Variants in KREMEN1 observed in about 807,000 individuals in gnomAD.
KREMEN1 encodes the protein kremen protein 1.
In KREMEN1, 30 loss-of-function variants were observed where a neutral mutation model predicts 46.5. The ratio of observed to expected loss-of-function variants is 0.65; its 90% CI spans 0.48 to 0.88. KREMEN1 has a LOEUF of 0.88. Among genes scored for constraint, KREMEN1 ranks in the 40% least tolerant of loss-of-function variants. KREMEN1 has a pLI of 0.00. For missense variants in KREMEN1, 533 were observed against 596.9 expected (o/e 0.89, Z 1.11); for synonymous variants, 214 against 230.6 (o/e 0.93, Z 0.65).
chr22:29,089,440 C>G (rs1199813434), intron 1 of KREMEN1, among the ~76,000 whole-genome samples: 1 of 152,162 alleles, frequency 6.6e-6, no homozygotes, highest in Non-Finnish European at 1.5e-5. Context: ...CGGTCCACTT[C>G]TCACCACCCC....
intron 9 of KREMEN1, among the ~76,000 whole-genome samples, chr22:29,152,290 A>T (rs1249477860): frequency 6.6e-6 from 1 of 152,126 alleles, no homozygotes; most frequent in African/African-American, 2.4e-5. Context: ...GGCTCCAAGG[A>T]CAGAGTCTCC....
chr22:29,079,154 G>A (rs528219210), intron 1 of KREMEN1, among the ~76,000 whole-genome samples: 60 of 152,254 alleles, frequency 3.9e-4, no homozygotes, highest in African/African-American at 1.3e-3. Context: ...TCAGATTGGC[G>A]TCCATACACC....
downstream of KREMEN1, chr22:29,146,878 G>C: frequency 2.5e-6 from 2 of 795,338 alleles, no homozygotes; most frequent in Non-Finnish European, 3.0e-6. Flanking sequence ...TGGGACAAGC[G>C]GAGGGTGTCT....
intron 3 of KREMEN1, among the ~76,000 whole-genome samples, chr22:29,102,024 A>G (rs1354665533): frequency 6.6e-6 from 1 of 152,266 alleles, no homozygotes; most frequent in Non-Finnish European, 1.5e-5. Flanking sequence ...GTATTTTAAA[A>G]TATGCCAGAA....
chr22:29,154,010 T>C (rs937438513), intron 9 of KREMEN1, among the ~76,000 whole-genome samples: 4 of 151,778 alleles, frequency 2.6e-5, no homozygotes, highest in Non-Finnish European at 4.4e-5. Flanking sequence ...AGCAGTAGTT[T>C]CTCATAGGGT....
At chr22:29,092,518 T>G (rs574123798) in intron 1 of KREMEN1, among the ~76,000 whole-genome samples, 21 of 152,336 alleles carry the variant, frequency 1.4e-4, no homozygotes, top group African/African-American at 5.1e-4. Flanking sequence ...AGCCAAGGCT[T>G]AGTCTCTTGG....
intron 1 of KREMEN1, among the ~76,000 whole-genome samples, chr22:29,076,415 T>C (rs2037571132): frequency 6.6e-6 from 1 of 152,178 alleles, no homozygotes; most frequent in Admixed American, 6.5e-5. Flanking sequence ...GTAAGCGACA[T>C]GGGGGCTGAA....
chr22:29,144,099 G>C lies in KREMEN1; in HGVS notation c.*1987G>C, dbSNP rs543656323. 1 of 985,522 alleles carries C rather than the reference G, an allele frequency of 1.0e-6. No homozygotes were observed. Among genetic ancestry groups the C allele is most frequent in the African/African-American group, 1.7e-5 (1 of 57,374 alleles). The allele number at this position is 985,522 out of a possible 1,614,324, so 61.0% of individuals were successfully genotyped here. ...CTCTGCTGGCCAGGCCTAGGCCCTC[G>C]TCAGAGCGTGCCTCTCCACAAGGCA... On this transcript the variant is annotated 3_prime_UTR_variant, in exon 9 of 9. Coordinates refer to ENST00000400335, the MANE Select transcript of KREMEN1 (RefSeq NM_001039570.3).
chr22:29,101,935 G>T lies in KREMEN1; in HGVS notation c.352+2982G>T, dbSNP rs139697508. Among the ~76,000 whole-genome samples the T allele has an allele frequency of 2.7e-3, 410 of 152,272 alleles. 1 individual carries two copies. The highest frequency in any genetic ancestry group is 9.2e-3 in the African/African-American group (383 of 41,556). ...TAAAGAAAATACTGTGTGTAGAAAGGTCTTGCAGAAGGTTTGAACCACAGA... is the reference window on the plus strand; with the variant it reads ...TAAAGAAAATACTGTGTGTAGAAAGTTCTTGCAGAAGGTTTGAACCACAGA... On this transcript the variant is annotated intron_variant, in intron 3 of 8. Transcript: ENST00000400335.
chr22:29,073,205 C>T lies in KREMEN1; in HGVS notation c.75C>T (p.Ser25=), dbSNP rs1240598032. The T allele has an allele frequency of 8.4e-7, 1 of 1,185,356 alleles. No individual in the cohort carries two copies. Among genetic ancestry groups the T allele is most frequent in the Admixed American group, 4.5e-5 (1 of 22,210 alleles). 73.4% of individuals were successfully genotyped at this position (1,185,356 alleles called of 1,614,324 possible). ...ALTLAARPAP[S]PGLGPGPECF... Reference sequence around the variant, plus strand: ...CGCTGGCGGCCCGGCCCGCGCCTAGCCCCGGCCTCGGCCCCGGACCCGGTG... The same window carrying T: ...CGCTGGCGGCCCGGCCCGCGCCTAGTCCCGGCCTCGGCCCCGGACCCGGTG... The change falls in exon 1 of 9, where the codon AGC becomes AGT. Residue 25 remains serine (S), a synonymous_variant. Coordinates refer to ENST00000400335, the MANE Select transcript of KREMEN1 (RefSeq NM_001039570.3). This position sits in a 1 kb window ranked among gnomAD's most constrained non-coding sequence, Gnocchi z 4.4.
intron 5 of KREMEN1, among the ~76,000 whole-genome samples, chr22:29,131,169 C>A (rs2038527662): frequency 6.6e-6 from 1 of 152,050 alleles, no homozygotes. Context: ...CTCATGACCC[C>A]ACGAGAGAGA....
intron 3 of KREMEN1, among the ~76,000 whole-genome samples, chr22:29,111,226 T>C (rs2038140833): frequency 6.6e-6 from 1 of 151,496 alleles, no homozygotes; most frequent in Non-Finnish European, 1.5e-5. Flanking sequence ...GAAGATCACT[T>C]GAGCTCAGGA....
At chr22:29,112,216 G>A (rs2038163801) in intron 3 of KREMEN1, among the ~76,000 whole-genome samples, 1 of 152,108 alleles carries the variant, frequency 6.6e-6, no homozygotes, top group Non-Finnish European at 1.5e-5. Context: ...TACAATTTCA[G>A]TGCTTGCATT....
chr22:29,095,488 T>G (rs1055184682), intron 2 of KREMEN1, among the ~76,000 whole-genome samples: 13 of 152,340 alleles, frequency 8.5e-5, no homozygotes, highest in African/African-American at 3.1e-4. Context: ...GTAATGAGAC[T>G]TATGGTTCAG....
chr22:29,127,676 G>C (rs1253326548), intron 5 of KREMEN1, among the ~76,000 whole-genome samples: 1 of 152,048 alleles, frequency 6.6e-6, no homozygotes, highest in Non-Finnish European at 1.5e-5. Context: ...AAACAGTCTG[G>C]CATTTCCTCA....
Position 29,143,905 on chromosome 22 carries a change from G to T in KREMEN1, c.*1793G>T, listed in dbSNP as rs1012852313. On this transcript the variant is annotated 3_prime_UTR_variant, in exon 9 of 9. Transcript: ENST00000400335. ...AGGTGGGCTGCAGAGATTGGTGCCA[G>T]AAGAGGGTGGGTTTGGGAATTGGAG... The T allele has an allele frequency of 2.0e-6, 2 of 985,392 alleles. No homozygotes were observed. 61.0% of individuals were successfully genotyped at this position (985,392 alleles called of 1,614,324 possible). A position where few individuals can be genotyped will look rare whatever the true frequency, so the allele number is the denominator to read the frequency against.
intron 1 of KREMEN1, among the ~76,000 whole-genome samples, chr22:29,074,625 G>A (rs1444068800): frequency 6.6e-6 from 1 of 152,266 alleles, no homozygotes; most frequent in African/African-American, 2.4e-5. Flanking sequence ...CAGTCTGCAG[G>A]AGTAGGAAAA....
At chr22:29,160,376 C>A (rs1035232144) in intron 9 of KREMEN1, among the ~76,000 whole-genome samples, 38 of 140,988 alleles carry the variant, frequency 2.7e-4, no homozygotes, top group East Asian at 1.0e-3. Flanking sequence ...ACTAAAAATA[C>A]AAAAAAAAAA....
chr22:29,091,540 G>A (rs1215579473), intron 1 of KREMEN1, among the ~76,000 whole-genome samples: 2 of 152,160 alleles, frequency 1.3e-5, no homozygotes, highest in East Asian at 1.9e-4. Flanking sequence ...TTAACACACA[G>A]CAATTAAAAT....
Sources: allele counts gnomAD v4.1 joint callset (sites outside exome capture counted in the v4.1 genomes callset), GRCh38; gene constraint gnomAD v4.1.1; non-coding constraint Gnocchi (gnomAD v3.1); transcripts MANE v1.5; gene names NCBI Gene and HGNC (gene_info 2026-07-23, HGNC 2026-07-21).